Variants in ST7 observed in about 807,000 individuals in gnomAD.
ST7 encodes suppressor of tumorigenicity 7 protein.
A neutral mutation model predicts 78.7 loss-of-function variants in ST7; 28 were observed. That is an observed-to-expected ratio of 0.36 (90% CI 0.26 to 0.49). The LOEUF (loss-of-function observed/expected upper bound fraction) is 0.49, where lower values mean the gene tolerates loss of function less well. Among genes scored for constraint, ST7 ranks in the 20% least tolerant of loss-of-function variants. The pLI is 0.99. For synonymous variants in ST7, 247 were observed against 249.6 expected (o/e 0.99, Z 0.10); for missense variants, 418 against 696.0 (o/e 0.60, Z 4.49).
intron 9 of ST7, among the ~76,000 whole-genome samples, chr7:117,161,867 TG>T (rs1223199408): frequency 2.6e-5 from 4 of 152,180 alleles, no homozygotes; most frequent in African/African-American, 9.6e-5. Context: ...CCCAAAGTGC[TG>T]GGATTACAGG....
intron 9 of ST7, among the ~76,000 whole-genome samples, chr7:117,157,684 A>G (rs2117193184): frequency 6.6e-6 from 1 of 152,320 alleles, no homozygotes; most frequent in East Asian, 1.9e-4. Context: ...TGGTTTTGGC[A>G]TAAAAAGTCC....
In ST7 at chr7:117,119,729, T is replaced by A; in HGVS notation, c.394+9T>A. The A allele has an allele frequency of 6.2e-7, 1 of 1,609,214 alleles. No homozygotes were observed. ...TAGGCAAAGTGTCTCAGGTATGGAA[T>A]TTCCTTCAGTTTGCAATATTATTTG... On this transcript the variant is annotated intron_variant, in intron 3 of 15. Transcript: ENST00000323984.
At position 116,956,611 on chromosome 7, in the gene ST7, G is replaced by A. The variant is rs149796902; in HGVS notation, c.151+2920G>A. On this transcript the variant is annotated intron_variant, in intron 1 of 15. Coordinates refer to ENST00000323984, the MANE Select transcript of ST7 (RefSeq NM_001369598.1). ...ATAGGCCCAGCTCTGTACCTGTAGG[G>A]GGATGGAATCTGCTAAAAGTGTTCT... 33 of 471,190 alleles carry A rather than the reference G, an allele frequency of 7.0e-5. No homozygotes were observed. The East Asian group carries it at 1.7e-3, about 24-fold the overall frequency. 29.2% of individuals were successfully genotyped at this position (471,190 alleles called of 1,614,324 possible). A position where few individuals can be genotyped will look rare whatever the true frequency, so the allele number is the denominator to read the frequency against.
At chr7:117,167,356 A>G (rs1807646970) in intron 9 of ST7, among the ~76,000 whole-genome samples, 1 of 151,376 alleles carries the variant, frequency 6.6e-6, no homozygotes, top group Admixed American at 6.6e-5. Flanking sequence ...TGTTTTAAAT[A>G]TCAACTCTCG....
At chr7:117,166,366 A>G (rs1271327379) in intron 9 of ST7, among the ~76,000 whole-genome samples, 4 of 152,060 alleles carry the variant, frequency 2.6e-5, no homozygotes, top group Non-Finnish European at 5.9e-5. Context: ...TTAACTTCTA[A>G]TGACAACATA....
chr7:117,131,943 AG>A lies in ST7; in HGVS notation c.625del (p.Ala209ProfsTer4). The A allele has an allele frequency of 1.2e-6, 2 of 1,611,418 alleles. No homozygotes were observed. The highest frequency in any genetic ancestry group is 8.5e-7 in the Non-Finnish European group (1 of 1,178,190). On this transcript the variant is annotated frameshift_variant, in exon 6 of 16. Coordinates refer to ENST00000323984, the MANE Select transcript of ST7 (RefSeq NM_001369598.1). LOFTEE classifies it high-confidence loss of function. ...AAGCTAGGATTTCTGCAGCTCATGA[AG>A]CCTTGGAGATAAATGAGTAAGTGGG... ...PQARISAAHE[A>X]LEINEIRSRV...
At chr7:117,203,686 A>G (rs1217140068) in intron 12 of ST7, among the ~76,000 whole-genome samples, 1 of 152,138 alleles carries the variant, frequency 6.6e-6, no homozygotes, top group African/African-American at 2.4e-5. Context: ...GGTACTTACC[A>G]TGTTGAATTT....
chr7:117,171,233 G>A (rs141598146), intron 10 of ST7, among the ~76,000 whole-genome samples: 57 of 152,134 alleles, frequency 3.7e-4, no homozygotes, highest in African/African-American at 1.3e-3. Context: ...TCCCCATCAG[G>A]CAGTTATGTC....
chr7:117,218,966 C>A lies in ST7; in HGVS notation c.1406-118C>A, dbSNP rs1792889634. 5.5e-6 allele frequency: 4 copies of A among 729,994 alleles called. No homozygotes were observed. In the South Asian group the frequency reaches 7.0e-5, roughly 13 times the overall value. The allele number at this position is 729,994 out of a possible 1,614,324, so 45.2% of individuals were successfully genotyped here. On this transcript the variant is annotated intron_variant, in intron 13 of 15. Coordinates refer to ENST00000323984, the MANE Select transcript of ST7 (RefSeq NM_001369598.1). ...CTGGCACATAGCTTGGTGGGGTAAGCCTTGCCTCCTTTGTAGAAGTGTTCC... is the reference window on the plus strand; with the variant it reads ...CTGGCACATAGCTTGGTGGGGTAAGACTTGCCTCCTTTGTAGAAGTGTTCC...
At chr7:117,156,512 G>A (rs1482776748) in intron 9 of ST7, among the ~76,000 whole-genome samples, 2 of 152,152 alleles carry the variant, frequency 1.3e-5, no homozygotes, top group Non-Finnish European at 2.9e-5. Flanking sequence ...ATGGAGGCCT[G>A]GAACTCAGAG....
chr7:116,953,845 T>A, intron 1 of ST7, 154 bp downstream of exon 1: 1 of 355,922 alleles, frequency 2.8e-6, no homozygotes, highest in Non-Finnish European at 3.9e-6. Context: ...ACGCGGCGGC[T>A]TAGGCGGCGG....
chr7:117,139,467 G>A (rs1405710571), intron 9 of ST7, among the ~76,000 whole-genome samples: 1 of 152,180 alleles, frequency 6.6e-6, no homozygotes, highest in African/African-American at 2.4e-5. Flanking sequence ...CCTTTTCTGA[G>A]TTTGTCTCTG....
At chr7:117,098,648 T>C (rs1295730639) in intron 1 of ST7, 1 of 376,490 alleles carries the variant, frequency 2.7e-6, no homozygotes, top group Non-Finnish European at 4.3e-6. Flanking sequence ...ACGTGGGATC[T>C]CTGTTCATTT....
intron 2 of ST7, among the ~76,000 whole-genome samples, chr7:117,101,212 G>C (rs1268592786): frequency 1.3e-5 from 2 of 152,184 alleles, no homozygotes; most frequent in Non-Finnish European, 2.9e-5. Context: ...GGCATGAGAT[G>C]TTTAAAGTTG....
chr7:117,169,975 A>C (rs892742448), intron 9 of ST7, among the ~76,000 whole-genome samples: 1 of 151,796 alleles, frequency 6.6e-6, no homozygotes, highest in Non-Finnish European at 1.5e-5. Context: ...CTTCCTCTTT[A>C]CTACCACCCC....
chr7:117,075,712 G>A (rs987427355), intron 1 of ST7, among the ~76,000 whole-genome samples: 5 of 152,120 alleles, frequency 3.3e-5, no homozygotes, highest in Admixed American at 6.6e-5. Context: ...CAGTTGCTTC[G>A]TAAATTGCAG....
chr7:117,111,237 T>A (rs914721516), intron 2 of ST7, among the ~76,000 whole-genome samples: 9 of 152,176 alleles, frequency 5.9e-5, no homozygotes, highest in Admixed American at 4.6e-4. Context: ...GTTGTGTGCA[T>A]GGAAATGCTT....
At chr7:116,990,294 G>A (rs867105016) in intron 1 of ST7, among the ~76,000 whole-genome samples, 1 of 152,108 alleles carries the variant, frequency 6.6e-6, no homozygotes, top group Admixed American at 6.5e-5. Flanking sequence ...GTAAAAATGA[G>A]TAATTTCTCC....
At chr7:116,969,809 T>C (rs542709495) in intron 1 of ST7, among the ~76,000 whole-genome samples, 1 of 152,072 alleles carries the variant, frequency 6.6e-6, no homozygotes, top group Non-Finnish European at 1.5e-5. Context: ...GGCATGGTGG[T>C]TCATGCCTAT....
Sources: gnomAD v4.1 joint callset for allele counts (sites outside exome capture counted in the v4.1 genomes callset) on GRCh38, gnomAD v4.1.1 for gene constraint, MANE v1.5 for transcripts, NCBI Gene and HGNC (gene_info 2026-07-23, HGNC 2026-07-21) for gene names.